Variants in DGKG observed in about 807,000 individuals in gnomAD.
The protein encoded by DGKG is diacylglycerol kinase gamma, also known as DAG kinase gamma.
A neutral mutation model predicts 105.3 loss-of-function variants in DGKG; 78 were observed. The ratio of observed to expected loss-of-function variants is 0.74; its 90% CI spans 0.62 to 0.89. The LOEUF is 0.89. Ranked by LOEUF, DGKG falls within the 40% of genes least tolerant of loss-of-function variation. DGKG has a pLI of 0.00. For missense variants in DGKG, 958 were observed against 1,020.1 expected, an observed-to-expected ratio of 0.94 and a Z score of 0.83; for synonymous variants, 346 against 367.1, an observed-to-expected ratio of 0.94 and a Z score of 0.66.
intron 20 of DGKG, among the ~76,000 whole-genome samples, chr3:186,223,011 C>CTATA (rs55753193): frequency 0.11 from 8,467 of 80,434 alleles, 1,703 homozygotes; most frequent in East Asian, 0.35. Context: ...TGTATGTATA[C>CTATA]TATATATATA....
chr3:186,191,075 A>T (rs1421868378), intron 21 of DGKG, among the ~76,000 whole-genome samples: 1 of 152,110 alleles, frequency 6.6e-6, no homozygotes, highest in East Asian at 1.9e-4. Flanking sequence ...GAGGTTAAGA[A>T]ACTTCTCTGT....
Position 186,320,375 on chromosome 3 carries a change from G to T in DGKG, c.67+18C>A. On this transcript the variant is annotated intron_variant, in intron 2 of 24. Transcript: ENST00000265022. ...CAAGAAGAAATCCCGTCCCAGGGCTGTCAATGCATTTACTCACATTCTGAA... is the reference window on the plus strand; with the variant it reads ...CAAGAAGAAATCCCGTCCCAGGGCTTTCAATGCATTTACTCACATTCTGAA... 1 of 1,614,098 alleles carries T rather than the reference G, an allele frequency of 6.2e-7. No individual in the cohort carries two copies.
intron 1 of DGKG, among the ~76,000 whole-genome samples, chr3:186,349,764 T>G (rs1322274979): frequency 2.0e-5 from 3 of 152,194 alleles, no homozygotes; most frequent in African/African-American, 7.2e-5. Context: ...TTTTTAAAGT[T>G]TTTTTACATG....
At position 186,267,666 on chromosome 3, in the gene DGKG, C is replaced by G; in HGVS notation, c.1209+19G>C. ...GAACCCGGAGAAGCTACAGCCCTCG[C>G]CGGGGCAGGAGCACTTACCCGGGTG... On this transcript the variant is annotated intron_variant, in intron 13 of 24. Coordinates refer to ENST00000265022, the MANE Select transcript of DGKG (RefSeq NM_001346.3). 6.2e-7 allele frequency: 1 copy of G among 1,608,984 alleles called. No homozygotes were observed. Among genetic ancestry groups the G allele is most frequent in the Non-Finnish European group, 8.5e-7 (1 of 1,175,464 alleles).
chr3:186,176,952 G>T (rs1717111756), intron 22 of DGKG, among the ~76,000 whole-genome samples: 1 of 152,216 alleles, frequency 6.6e-6, no homozygotes, highest in African/African-American at 2.4e-5. Flanking sequence ...GGCTGAGCTT[G>T]TTGGGAGAAG....
At chr3:186,321,886 CT>C (rs1725095601) in intron 1 of DGKG, among the ~76,000 whole-genome samples, 1 of 152,196 alleles carries the variant, frequency 6.6e-6, no homozygotes, top group Admixed American at 6.5e-5. Context: ...AAGTTCTAGT[CT>C]CTCGCCCTGA....
intron 9 of DGKG, chr3:186,279,156 C>T (rs569382954): frequency 6.6e-6 from 1 of 152,310 alleles, no homozygotes; most frequent in East Asian, 1.9e-4. Context: ...GTCTTTAAGG[C>T]CACCTGCTCT....
rs190596525 is a variant in DGKG at position 186,218,458 on chromosome 3, C to T, written c.1827-6573G>A. Among the ~76,000 whole-genome samples the T allele has an allele frequency of 1.4e-3, 190 of 139,618 alleles. 2 individuals are homozygous for T. The highest frequency in any genetic ancestry group is 4.5e-3 in the African/African-American group (173 of 38,066). 91.6% of individuals were successfully genotyped at this position (139,618 alleles called of 152,430 possible). ...GTTGGAGGTTGCAATGAGCCGAGATCGCGCCACTGCACTCCAGCCTGGCGA... is the reference window on the plus strand; with the variant it reads ...GTTGGAGGTTGCAATGAGCCGAGATTGCGCCACTGCACTCCAGCCTGGCGA... On this transcript the variant is annotated intron_variant, in intron 20 of 24. Coordinates refer to ENST00000265022, the MANE Select transcript of DGKG (RefSeq NM_001346.3).
chr3:186,149,828 G>GTGGTT lies in DGKG; in HGVS notation c.*261_*262insAACCA. ...TGGGAATGTGGAGGTTGCTGCCTAA[G>GTGGTT]CCAGCCACAACCTCATGGGCCCTAA... On this transcript the variant is annotated 3_prime_UTR_variant, in exon 25 of 25. Coordinates refer to ENST00000265022, the MANE Select transcript of DGKG (RefSeq NM_001346.3). The GTGGTT allele has an allele frequency of 8.5e-7, 1 of 1,177,354 alleles. No individual in the cohort carries two copies. The highest frequency in any genetic ancestry group is 1.1e-6 in the Non-Finnish European group (1 of 950,694). The allele number at this position is 1,177,354 out of a possible 1,614,324, so 72.9% of individuals were successfully genotyped here. A position where few individuals can be genotyped will look rare whatever the true frequency, so the allele number is the denominator to read the frequency against.
chr3:186,209,043 G>C (rs950388185), intron 21 of DGKG, among the ~76,000 whole-genome samples: 1 of 149,870 alleles, frequency 6.7e-6, no homozygotes. Context: ...GTCAAAGCAC[G>C]TGACTTTTTC....
chr3:186,354,976 C>G (rs1215140510), intron 1 of DGKG, among the ~76,000 whole-genome samples: 2 of 152,102 alleles, frequency 1.3e-5, no homozygotes, highest in African/African-American at 4.8e-5. Flanking sequence ...GCCAGAAATT[C>G]TTAGATCTGC....
intron 24 of DGKG, chr3:186,161,070 T>A: frequency 3.0e-6 from 3 of 986,438 alleles, no homozygotes; most frequent in Non-Finnish European, 3.6e-6. Context: ...AATTTTCAAG[T>A]AGGTTATCAG....
At chr3:186,331,777 A>G (rs1725616436) in intron 1 of DGKG, among the ~76,000 whole-genome samples, 1 of 152,236 alleles carries the variant, frequency 6.6e-6, no homozygotes, top group Non-Finnish European at 1.5e-5. Flanking sequence ...TTGGTCATTC[A>G]TTCATTTGTT....
intron 5 of DGKG, among the ~76,000 whole-genome samples, chr3:186,294,800 C>T (rs1336208144): frequency 1.3e-5 from 2 of 152,110 alleles, no homozygotes; most frequent in Non-Finnish European, 2.9e-5. Context: ...GTCCATTTCA[C>T]CAAGGGGCTA....
chr3:186,224,211 A>G (rs781644397), intron 20 of DGKG, among the ~76,000 whole-genome samples: 2 of 152,160 alleles, frequency 1.3e-5, no homozygotes, highest in Non-Finnish European at 2.9e-5. Flanking sequence ...TAAGCTCCCA[A>G]TTCCTTGCCA....
At chr3:186,350,331 GGAAT>G (rs1237491904) in intron 1 of DGKG, among the ~76,000 whole-genome samples, 1 of 152,144 alleles carries the variant, frequency 6.6e-6, no homozygotes, top group Admixed American at 6.5e-5. Context: ...TCATATGAGT[GGAAT>G]GTGCAGTATT....
chr3:186,343,189 T>G (rs1169650384), intron 1 of DGKG, among the ~76,000 whole-genome samples: 6 of 152,190 alleles, frequency 3.9e-5, no homozygotes, highest in Admixed American at 3.9e-4. Flanking sequence ...AGAACCTCCA[T>G]GGAGGCTACT....
intron 24 of DGKG, among the ~76,000 whole-genome samples, chr3:186,155,080 A>C (rs1367000763): frequency 6.6e-6 from 1 of 152,214 alleles, no homozygotes; most frequent in African/African-American, 2.4e-5. Flanking sequence ...ATCATCTTAC[A>C]GTGTAATAAT....
intron 21 of DGKG, among the ~76,000 whole-genome samples, chr3:186,198,368 A>G (rs1718286215): frequency 6.6e-6 from 1 of 152,226 alleles, no homozygotes; most frequent in Non-Finnish European, 1.5e-5. Context: ...AGTAGGGCAC[A>G]TGGGGCATGT....
Sources: allele counts gnomAD v4.1 joint callset (sites outside exome capture counted in the v4.1 genomes callset), GRCh38; gene constraint gnomAD v4.1.1; transcripts MANE v1.5; gene names NCBI Gene and HGNC (gene_info 2026-07-23, HGNC 2026-07-21).